NHSL1: variants seen among roughly 807,000 people sequenced by gnomAD.
NHSL1 encodes the protein NHS-like protein 1.
NHSL1 carries 48 observed loss-of-function variants against 95.0 expected under a neutral mutation model. The observed-to-expected ratio is 0.51, with a 90% CI of 0.40 to 0.64. NHSL1 has a LOEUF of 0.64. Among genes scored for constraint, NHSL1 ranks in the 30% least tolerant of loss-of-function variants. The pLI is 0.00. For missense variants in NHSL1, 1,971 were observed against 2,077.7 expected, an observed-to-expected ratio of 0.95 and a Z score of 1.00; for synonymous variants, 783 against 833.9, an observed-to-expected ratio of 0.94 and a Z score of 1.05.
At chr6:138,691,888 T>C (rs961732264) in intron 1 of NHSL1, 4 of 456,522 alleles carry the variant, frequency 8.8e-6, no homozygotes, top group Non-Finnish European at 1.8e-5. Flanking sequence ...GGTGGGTCAG[T>C]CTGGGAGAAG....
At chr6:138,661,821 C>T (rs1449579402) in intron 1 of NHSL1, among the ~76,000 whole-genome samples, 1 of 152,112 alleles carries the variant, frequency 6.6e-6, no homozygotes, top group Non-Finnish European at 1.5e-5. Context: ...TATCCCAGCA[C>T]TTTGAGAGGC....
upstream of NHSL1, among the ~76,000 whole-genome samples, chr6:138,573,259 G>C (rs773761000): frequency 1.3e-5 from 2 of 152,120 alleles, no homozygotes; most frequent in Admixed American, 6.6e-5. Context: ...TTCACCCAAG[G>C]CTAACTTACT....
At position 138,535,383 on chromosome 6, in the gene NHSL1, G is replaced by T. The variant is rs75425449; in HGVS notation, c.16+10240C>A. 8.0e-3 allele frequency among the ~76,000 whole-genome samples: 1,222 copies of T among 152,228 alleles called. 16 individuals carry two copies. Among genetic ancestry groups the T allele is most frequent in the African/African-American group, 0.028 (1,173 of 41,528 alleles). ...GTTCGAGACCAGTCTCGGCAACACA[G>T]TAAAACCCCACCTCGACAAAAATAA... is the stretch of plus-strand genomic sequence containing the variant. On this transcript the variant is annotated intron_variant, in intron 1 of 4. Coordinates refer to the NHSL1 transcript ENST00000342260.
intron 3 of NHSL1, among the ~76,000 whole-genome samples, chr6:138,469,427 A>G (rs754095910): frequency 3.3e-5 from 5 of 152,160 alleles, no homozygotes; most frequent in Non-Finnish European, 7.4e-5. Context: ...AACTTTATAT[A>G]GTTAAGAAGA....
chr6:138,555,894 T>G (rs1463373636), intron 1 of NHSL1, among the ~76,000 whole-genome samples: 2 of 152,112 alleles, frequency 1.3e-5, no homozygotes, highest in Non-Finnish European at 2.9e-5. Context: ...ATAGCCTCAC[T>G]GGGCCCTGTT....
intron 1 of NHSL1, among the ~76,000 whole-genome samples, chr6:138,556,073 A>G (rs1332766760): frequency 6.6e-6 from 1 of 152,110 alleles, no homozygotes; most frequent in Non-Finnish European, 1.5e-5. Context: ...CAATTTAAAG[A>G]CTGTGTACAT....
chr6:138,672,491 A>T (rs1481815441), intron 1 of NHSL1, among the ~76,000 whole-genome samples: 2 of 151,680 alleles, frequency 1.3e-5, no homozygotes, highest in African/African-American at 4.9e-5. Flanking sequence ...AAACCATAGT[A>T]TACTAAAAGA....
chr6:138,462,984 G>A (rs1268093513), intron 3 of NHSL1, among the ~76,000 whole-genome samples: 1 of 152,172 alleles, frequency 6.6e-6, no homozygotes, highest in Non-Finnish European at 1.5e-5. Context: ...ATTTCTCAGG[G>A]GGTGAAATAA....
intron 1 of NHSL1, among the ~76,000 whole-genome samples, chr6:138,639,679 A>G (rs943169452): frequency 3.3e-5 from 5 of 150,838 alleles, no homozygotes; most frequent in South Asian, 4.2e-4. Context: ...GGTGGCACGC[A>G]CTTGTAGTCC....
In NHSL1 at chr6:138,442,124, A is replaced by G. The variant is rs894945360; in HGVS notation, c.533-10T>C. ...CGATCGAAATTCTCCCCTAATGTAGAGTAGTAGAACAAGCAAAGCAATGTT... is the reference window on the plus strand; with the variant it reads ...CGATCGAAATTCTCCCCTAATGTAGGGTAGTAGAACAAGCAAAGCAATGTT... On this transcript the variant is annotated splice_polypyrimidine_tract_variant and intron_variant, in intron 4 of 7. Coordinates refer to ENST00000343505, the MANE Select transcript of NHSL1 (RefSeq NM_001144060.2). 15 of 1,542,352 alleles carry G rather than the reference A, an allele frequency of 9.7e-6. No individual in the cohort carries two copies. Among genetic ancestry groups the G allele is most frequent in the Non-Finnish European group, 1.3e-5 (15 of 1,143,412 alleles).
chr6:138,679,613 G>C (rs1338097762), intron 1 of NHSL1, among the ~76,000 whole-genome samples: 1 of 152,128 alleles, frequency 6.6e-6, no homozygotes, highest in Admixed American at 6.5e-5. Context: ...AATCCTTGAA[G>C]AAGAGGCCCT....
rs185464021 is a variant in NHSL1 at position 138,510,450 on chromosome 6, T to C, written c.17-14079A>G. The stretch of plus-strand genomic sequence containing the variant: ...TAAATGAGGATAATATTTTATTTGA[T>C]TAGTGTTGGATCTTTTCAAAACATT... On this transcript the variant is annotated intron_variant, in intron 1 of 4. Transcript: ENST00000342260. 1.1e-3 allele frequency among the ~76,000 whole-genome samples: 174 copies of C among 152,350 alleles called. 1 individual carries two copies. Among genetic ancestry groups the C allele is most frequent in the Non-Finnish European group, 2.0e-3 (135 of 68,030 alleles).
At chr6:138,449,794 T>A (rs555064222) in intron 3 of NHSL1, among the ~76,000 whole-genome samples, 19 of 149,874 alleles carry the variant, frequency 1.3e-4, no homozygotes, top group African/African-American at 4.1e-4. Context: ...AGACTAACAA[T>A]AATAAAGGCA....
rs1353830342 is a variant in NHSL1 at position 138,422,581 on chromosome 6, A to G, written c.*1500T>C. The stretch of plus-strand genomic sequence containing the variant: ...ATCCTAGGTCCTTCTAATGAAGAAG[A>G]CAATACTCTAGTTTATTTAACAAAT... On this transcript the variant is annotated 3_prime_UTR_variant, in exon 8 of 8. Transcript: ENST00000343505. 1 of 152,230 alleles carries G rather than the reference A, an allele frequency of 6.6e-6. No homozygotes were observed. Among genetic ancestry groups the G allele is most frequent in the Non-Finnish European group, 1.5e-5 (1 of 68,042 alleles). 9.4% of individuals were successfully genotyped at this position (152,230 alleles called of 1,614,324 possible).
At chr6:138,622,050 T>C (rs968413332) in intron 1 of NHSL1, among the ~76,000 whole-genome samples, 2 of 152,130 alleles carry the variant, frequency 1.3e-5, no homozygotes, top group Non-Finnish European at 2.9e-5. Flanking sequence ...CCCTCCTATG[T>C]AGCGGGCATT....
At chr6:138,494,623 T>TA (rs1284339782) in intron 2 of NHSL1, among the ~76,000 whole-genome samples, 2 of 152,174 alleles carry the variant, frequency 1.3e-5, no homozygotes, top group African/African-American at 4.8e-5. Flanking sequence ...ACATACAAGA[T>TA]AAAATTATTT....
chr6:138,486,120 C>G (rs950139537), intron 2 of NHSL1, among the ~76,000 whole-genome samples: 6 of 152,110 alleles, frequency 3.9e-5, no homozygotes, highest in Non-Finnish European at 7.4e-5. Context: ...CAGAGAACAT[C>G]CTCCCATTCT....
chr6:138,529,342 C>T (rs1449206740), intron 1 of NHSL1, among the ~76,000 whole-genome samples: 1 of 152,214 alleles, frequency 6.6e-6, no homozygotes, highest in Non-Finnish European at 1.5e-5. Context: ...CAAGACACTC[C>T]TGTCCCTCAA....
intron 1 of NHSL1, among the ~76,000 whole-genome samples, chr6:138,640,597 C>T (rs938067074): frequency 3.3e-5 from 5 of 152,104 alleles, no homozygotes; most frequent in Non-Finnish European, 7.4e-5. Context: ...TTCCTAATAA[C>T]ATTTTCCTTT....
Sources: gnomAD v4.1 joint callset for allele counts (sites outside exome capture counted in the v4.1 genomes callset) on GRCh38, gnomAD v4.1.1 for gene constraint, MANE v1.5 for transcripts, NCBI Gene and HGNC (gene_info 2026-07-23, HGNC 2026-07-21) for gene names.